RFX4: variants seen among roughly 807,000 people sequenced by gnomAD.
RFX4 encodes regulatory factor X4, also known as transcription factor RFX4.
A neutral mutation model predicts 95.0 loss-of-function variants in RFX4; 10 were observed. That is an observed-to-expected ratio of 0.11 (90% CI 0.06 to 0.18). The LOEUF (loss-of-function observed/expected upper bound fraction) is 0.18, where lower values mean the gene tolerates loss of function less well. Among genes scored for constraint, RFX4 ranks in the 10% least tolerant of loss-of-function variants. The pLI is 1.00. For missense variants in RFX4, 640 were observed against 922.0 expected (o/e 0.69, Z 3.96); for synonymous variants, 321 against 340.7 (o/e 0.94, Z 0.64).
At chr12:106,696,184 G>A (rs982759551) in intron 7 of RFX4, 99 bp from the exon 8 acceptor site, 8 of 1,375,642 alleles carry the variant, frequency 5.8e-6, no homozygotes, top group Non-Finnish European at 8.1e-6. Context: ...GGAAGTAGAT[G>A]ACAGCATTGT....
At chr12:106,668,660 G>A (rs2041223358) in intron 4 of RFX4, among the ~76,000 whole-genome samples, 1 of 152,214 alleles carries the variant, frequency 6.6e-6, no homozygotes, top group South Asian at 2.1e-4. Flanking sequence ...GTTTAGTGGG[G>A]AAGGAGTAGG....
At chr12:106,740,913 C>T (rs371494034) in intron 15 of RFX4, among the ~76,000 whole-genome samples, 30 of 152,122 alleles carry the variant, frequency 2.0e-4, no homozygotes, top group African/African-American at 6.3e-4. Flanking sequence ...TTCTATGCGA[C>T]GGGGAAAAGC....
chr12:106,615,997 T>C (rs2040065051), intron 2 of RFX4, among the ~76,000 whole-genome samples: 1 of 152,220 alleles, frequency 6.6e-6, no homozygotes, highest in Non-Finnish European at 1.5e-5. Flanking sequence ...TAGTGCAATT[T>C]TGAGGTGATG....
intron 1 of RFX4, among the ~76,000 whole-genome samples, chr12:106,590,527 T>G (rs1010934798): frequency 1.3e-5 from 2 of 152,222 alleles, no homozygotes. Flanking sequence ...TGTACCTCGA[T>G]TGCTTGGGAA....
At chr12:106,608,700 T>A (rs1054381269) in intron 1 of RFX4, 97 bp from the exon 2 acceptor site, 9 of 1,107,826 alleles carry the variant, frequency 8.1e-6, no homozygotes, top group Non-Finnish European at 1.0e-5. Context: ...ATCTAATGCA[T>A]TTATGATGTT....
chr12:106,671,167 T>C (rs2041272564), intron 4 of RFX4, among the ~76,000 whole-genome samples: 1 of 152,228 alleles, frequency 6.6e-6, no homozygotes, highest in Non-Finnish European at 1.5e-5. Flanking sequence ...TTTATCTCCT[T>C]CAGTGTGTGG....
intron 4 of RFX4, among the ~76,000 whole-genome samples, chr12:106,671,263 G>A (rs1487079003): frequency 6.6e-6 from 1 of 152,148 alleles, no homozygotes; most frequent in African/African-American, 2.4e-5. Flanking sequence ...GAGGGTGGGT[G>A]GAATTTTTGG....
intron 4 of RFX4, among the ~76,000 whole-genome samples, chr12:106,675,104 A>G (rs1240561436): frequency 6.6e-6 from 1 of 152,216 alleles, no homozygotes; most frequent in Non-Finnish European, 1.5e-5. Flanking sequence ...TCTATTGCAC[A>G]GCATGGTAAC....
intron 15 of RFX4, among the ~76,000 whole-genome samples, chr12:106,741,367 T>C (rs560491175): frequency 1.3e-5 from 2 of 152,266 alleles, no homozygotes; most frequent in South Asian, 4.2e-4. Context: ...CCTGTCTCAA[T>C]CATGAAGATT....
chr12:106,686,983 A>G lies in RFX4; in HGVS notation c.477A>G (p.Lys159=), dbSNP rs1377378796. Residue 159 remains lysine, a synonymous_variant, in exon 6 of 18, where the codon AAA becomes AAG. Transcript: ENST00000392842. The part of the protein sequence containing the change: ...GAAWVSETGK[K]EVSKQTVAYS... Reference sequence around the variant, plus strand: ...CCTGGGTGAGTGAGACGGGCAAGAAAGAAGTGAGCAAACAGACAGTGGCAT... The same window carrying G: ...CCTGGGTGAGTGAGACGGGCAAGAAGGAAGTGAGCAAACAGACAGTGGCAT... 6.2e-7 allele frequency: 1 copy of G among 1,614,086 alleles called. No homozygotes were observed. Among genetic ancestry groups the G allele is most frequent in the Non-Finnish European group, 8.5e-7 (1 of 1,180,010 alleles).
intron 15 of RFX4, among the ~76,000 whole-genome samples, chr12:106,733,686 G>T (rs1158936912): frequency 6.6e-6 from 1 of 152,192 alleles, no homozygotes; most frequent in African/African-American, 2.4e-5. Context: ...TGATGTGAGT[G>T]GGTCTTCAGC....
chr12:106,597,245 G>GT (rs985909235), intron 1 of RFX4, among the ~76,000 whole-genome samples: 87 of 147,288 alleles, frequency 5.9e-4, no homozygotes, highest in Admixed American at 1.1e-3. Context: ...TCATGGGGTA[G>GT]TTTTTTTTTT....
chr12:106,597,989 G>T (rs1013809029), intron 1 of RFX4, among the ~76,000 whole-genome samples: 3 of 152,220 alleles, frequency 2.0e-5, no homozygotes, highest in Non-Finnish European at 2.9e-5. Flanking sequence ...GGTCCAGGTA[G>T]TATTCTATGT....
chr12:106,726,982 G>A (rs2042512367), intron 13 of RFX4, among the ~76,000 whole-genome samples: 1 of 152,044 alleles, frequency 6.6e-6, no homozygotes, highest in Non-Finnish European at 1.5e-5. Flanking sequence ...ATGTTGGCCA[G>A]GCTGGTCAGG....
intron 4 of RFX4, among the ~76,000 whole-genome samples, chr12:106,669,842 GTGT>G (rs2041248470): frequency 1.2e-5 from 1 of 80,660 alleles, no homozygotes; most frequent in Non-Finnish European, 2.4e-5. Flanking sequence ...TTCTAGGGGT[GTGT>G]GTGTGTGTGT....
Position 106,642,156 on chromosome 12 carries a change from A to G in RFX4, c.191+2764A>G, listed in dbSNP as rs186072485. Among the ~76,000 whole-genome samples, 124 of 152,098 alleles carry G rather than the reference A, an allele frequency of 8.2e-4. 1 individual carries two copies. The Middle Eastern group carries it at 0.014, about 17-fold the overall frequency. ...CTGCCGAGTAGCTGGGATTACAGGC[A>G]TGCACCACCATACCCGGCTAATATT... On this transcript the variant is annotated intron_variant, in intron 3 of 17. Coordinates refer to ENST00000392842, the MANE Select transcript of RFX4 (RefSeq NM_213594.3).
intron 13 of RFX4, among the ~76,000 whole-genome samples, chr12:106,722,648 T>C (rs2042417432): frequency 6.6e-6 from 1 of 152,168 alleles, no homozygotes; most frequent in Non-Finnish European, 1.5e-5. Context: ...GAAAAAGAGA[T>C]ATTAACCCAG....
intron 14 of RFX4, 29 bp downstream of exon 14, chr12:106,732,278 C>T: frequency 6.2e-7 from 1 of 1,612,228 alleles, no homozygotes. Flanking sequence ...GGGAATTGCA[C>T]CACTTGGTAA....
intron 3 of RFX4, among the ~76,000 whole-genome samples, chr12:106,649,112 C>T (rs1425332526): frequency 6.6e-6 from 1 of 151,644 alleles, no homozygotes; most frequent in Non-Finnish European, 1.5e-5. Flanking sequence ...TTAAAAAAAA[C>T]CCAGGTATAA....
Sources: allele counts gnomAD v4.1 joint callset (sites outside exome capture counted in the v4.1 genomes callset), GRCh38; gene constraint gnomAD v4.1.1; transcripts MANE v1.5; gene names NCBI Gene and HGNC (gene_info 2026-07-23, HGNC 2026-07-21).